Variants in RAB3GAP1 observed in about 807,000 individuals in gnomAD.
RAB3GAP1 encodes the protein RAB3 GTPase activating protein catalytic subunit 1.
In RAB3GAP1, 86 loss-of-function variants were observed where a neutral mutation model predicts 130.7. That is an observed-to-expected ratio of 0.66 (90% CI 0.55 to 0.79). The LOEUF (loss-of-function observed/expected upper bound fraction) is 0.79, where lower values mean the gene tolerates loss of function less well. RAB3GAP1 is among the 30% of genes least tolerant of loss of function. The pLI, the probability that RAB3GAP1 is intolerant of heterozygous loss-of-function variation, is 0.00. For missense variants in RAB3GAP1, 1,029 were observed against 1,169.4 expected (o/e 0.88, Z 1.75); for synonymous variants, 367 against 401.7 (o/e 0.91, Z 1.03).
intron 5 of RAB3GAP1, among the ~76,000 whole-genome samples, chr2:135,111,905 A>G (rs753550654): frequency 1.3e-5 from 2 of 152,214 alleles, no homozygotes; most frequent in Non-Finnish European, 2.9e-5. Context: ...TTTTTAGTAA[A>G]AATCCTTCCA....
intron 5 of RAB3GAP1, among the ~76,000 whole-genome samples, chr2:135,105,052 A>G (rs965818785): frequency 6.6e-6 from 1 of 152,222 alleles, no homozygotes; most frequent in Non-Finnish European, 1.5e-5. Context: ...AAGAACAGAG[A>G]AAAAAGTTTG....
Position 135,115,345 on chromosome 2 carries a change from C to T in RAB3GAP1, c.612C>T (p.His204=). The change falls in exon 7 of 24, where the codon CAC becomes CAT. Residue 204 remains histidine, a synonymous_variant. Transcript: ENST00000264158. The part of the protein sequence containing the change: ...HLRKVPNQYT[H]LSGLLDIFKS... ...GAAAAGTGCCAAATCAGTACACTCA[C>T]TTATCAGGTCTGCTGGATATCTTCA... The T allele has an allele frequency of 6.2e-7, 1 of 1,613,672 alleles. No individual in the cohort carries two copies. The highest frequency in any genetic ancestry group is 8.5e-7 in the Non-Finnish European group (1 of 1,179,620).
chr2:135,157,128 C>A (rs1296083104), intron 19 of RAB3GAP1, among the ~76,000 whole-genome samples: 1 of 152,126 alleles, frequency 6.6e-6, no homozygotes, highest in East Asian at 1.9e-4. Context: ...ATTCTCCTGG[C>A]CCAGTTTCCC....
rs1690868487 is a variant in RAB3GAP1, at chr2:135,113,206, C to T, written c.418C>T (p.Leu140Phe). 3 of 1,614,120 alleles carry T rather than the reference C, an allele frequency of 1.9e-6. No individual in the cohort carries two copies. The highest frequency in any genetic ancestry group is 1.7e-6 in the Non-Finnish European group (2 of 1,179,978). ...CCCTGCTGCACACAGTGACGCTGTT[C>T]TCAGCGAATCTAAGTGCAACCTTCT... ...IAPAAHSDAV[L>F]SESKCNLLLS... The change falls in exon 6 of 24, where the codon CTC becomes TTC. Residue 140 changes from leucine (L) to phenylalanine (F), a missense_variant. Leu to Phe is a conservative substitution (Grantham distance 22, BLOSUM62 0). Coordinates refer to ENST00000264158, the MANE Select transcript of RAB3GAP1 (RefSeq NM_012233.3).
intron 7 of RAB3GAP1, among the ~76,000 whole-genome samples, chr2:135,118,134 C>T (rs1405754694): frequency 1.3e-5 from 2 of 152,114 alleles, no homozygotes; most frequent in African/African-American, 2.4e-5. Flanking sequence ...CATGAGCCAC[C>T]GCGCTGGGCC....
At chr2:135,167,804 A>G in intron 23 of RAB3GAP1, 2 of 1,146,654 alleles carry the variant, frequency 1.7e-6, no homozygotes, top group Non-Finnish European at 2.4e-6. Context: ...CCTCTCTCAC[A>G]GTCTGGATTT....
At chr2:135,059,523 T>G (rs531819022) in intron 3 of RAB3GAP1, among the ~76,000 whole-genome samples, 1 of 152,116 alleles carries the variant, frequency 6.6e-6, no homozygotes, top group South Asian at 2.1e-4. Context: ...TAAATTGATA[T>G]ATGATAGATG....
chr2:135,129,813 A>G (rs140571819), intron 11 of RAB3GAP1, among the ~76,000 whole-genome samples, 182 bp from the exon 12 acceptor site: 1 of 152,176 alleles, frequency 6.6e-6, no homozygotes. Context: ...GGAGAGAAAG[A>G]AAAGAACAAG....
chr2:135,120,420 A>G (rs1259005752), intron 7 of RAB3GAP1, among the ~76,000 whole-genome samples: 1 of 152,220 alleles, frequency 6.6e-6, no homozygotes, highest in East Asian at 1.9e-4. Flanking sequence ...TATGTGGACA[A>G]AAATACAGTG....
At chr2:135,156,764 T>C (rs1444710287) in intron 19 of RAB3GAP1, among the ~76,000 whole-genome samples, 1 of 152,212 alleles carries the variant, frequency 6.6e-6, no homozygotes, top group Non-Finnish European at 1.5e-5. Context: ...AAAATTGTTC[T>C]GCAGGTATTA....
chr2:135,141,227 TC>T (rs1461805889), intron 17 of RAB3GAP1, among the ~76,000 whole-genome samples: 1 of 149,190 alleles, frequency 6.7e-6, no homozygotes, highest in Non-Finnish European at 1.5e-5. Flanking sequence ...TTCACTTACT[TC>T]TTTTTTTTTT....
chr2:135,147,920 G>A (rs1345386228), intron 17 of RAB3GAP1, among the ~76,000 whole-genome samples: 1 of 152,006 alleles, frequency 6.6e-6, no homozygotes, highest in South Asian at 2.1e-4. Flanking sequence ...GGAAGCTCAG[G>A]CTTCTTCTTT....
intron 3 of RAB3GAP1, among the ~76,000 whole-genome samples, chr2:135,082,368 C>A (rs1192483384): frequency 6.6e-6 from 1 of 152,002 alleles, no homozygotes; most frequent in Non-Finnish European, 1.5e-5. Context: ...TACACAACAG[C>A]TAACCTGCTT....
Position 135,129,978 on chromosome 2 carries a change from CT to C in RAB3GAP1, c.974-10del. 2.0e-6 allele frequency: 3 copies of C among 1,513,148 alleles called. No individual in the cohort carries two copies. The highest frequency in any genetic ancestry group is 1.8e-6 in the Non-Finnish European group (2 of 1,097,518). The allele number at this position is 1,513,148 out of a possible 1,614,324, so 93.7% of individuals were successfully genotyped here. ...TTTTTCAGTTAAGTGTCAAAAATAA[CT>C]TTTTTTCCTACATAGGTGATTTTGT... is the stretch of plus-strand genomic sequence containing the variant. On this transcript the variant is annotated splice_polypyrimidine_tract_variant and intron_variant, in intron 11 of 23. Coordinates refer to ENST00000264158, the MANE Select transcript of RAB3GAP1 (RefSeq NM_012233.3).
chr2:135,138,652 A>G (rs1691749128), intron 17 of RAB3GAP1, among the ~76,000 whole-genome samples: 1 of 149,316 alleles, frequency 6.7e-6, no homozygotes, highest in Non-Finnish European at 1.5e-5. Context: ...TCTGTTGCAT[A>G]GGCTGGAATG....
At chr2:135,136,263 T>C (rs1401608632) in intron 17 of RAB3GAP1, among the ~76,000 whole-genome samples, 2 of 152,020 alleles carry the variant, frequency 1.3e-5, no homozygotes, top group Non-Finnish European at 2.9e-5. Context: ...CAGTGGGAGG[T>C]TGCAGTGAGC....
At chr2:135,145,200 A>G (rs1031354496) in intron 17 of RAB3GAP1, among the ~76,000 whole-genome samples, 2 of 152,154 alleles carry the variant, frequency 1.3e-5, no homozygotes, top group African/African-American at 4.8e-5. Flanking sequence ...TGATTGATAA[A>G]TCTGTCACTT....
intron 17 of RAB3GAP1, among the ~76,000 whole-genome samples, chr2:135,149,500 A>T (rs758048169): frequency 6.6e-6 from 1 of 152,218 alleles, no homozygotes; most frequent in South Asian, 2.1e-4. Context: ...CAAGCTCTTA[A>T]CCATTATACA....
intron 7 of RAB3GAP1, among the ~76,000 whole-genome samples, chr2:135,117,711 GCTTCTTCTTCTGCTTCTT>G (rs1223201905): frequency 8.6e-4 from 19 of 22,046 alleles, no homozygotes; most frequent in African/African-American, 2.7e-3. Flanking sequence ...TTCTGCTTCT[GCTTCTTCTTCTGCTTCTT>G]CTTCTTCTGC....
Sources: gnomAD v4.1 joint callset for allele counts (sites outside exome capture counted in the v4.1 genomes callset) on GRCh38, gnomAD v4.1.1 for gene constraint, MANE v1.5 for transcripts, NCBI Gene and HGNC (gene_info 2026-07-23, HGNC 2026-07-21) for gene names.